Variants in SEMA3A observed in about 807,000 individuals in gnomAD.
The protein encoded by SEMA3A is semaphorin 3A.
SEMA3A carries 29 observed loss-of-function variants against 97.9 expected under a neutral mutation model. That is an observed-to-expected ratio of 0.30 (90% CI 0.22 to 0.40). The LOEUF is 0.40. Among genes scored for constraint, SEMA3A ranks in the 10% least tolerant of loss-of-function variants. The probability of loss-of-function intolerance (pLI) is 1.00; values close to 1 mark genes in which losing one functional copy is unlikely to be tolerated. For missense variants in SEMA3A, 763 were observed against 951.3 expected, an observed-to-expected ratio of 0.80 and a Z score of 2.60; for synonymous variants, 321 against 323.7, an observed-to-expected ratio of 0.99 and a Z score of 0.09.
At chr7:84,379,402 G>A (rs188902394) in intron 1 of SEMA3A, among the ~76,000 whole-genome samples, 234 of 152,158 alleles carry the variant, frequency 1.5e-3, no homozygotes, top group African/African-American at 3.9e-3. Flanking sequence ...TGAAGTATAC[G>A]TTTATAAGGA....
chr7:84,192,350 A>G (rs1349368538), intron 1 of SEMA3A, among the ~76,000 whole-genome samples: 3 of 151,922 alleles, frequency 2.0e-5, no homozygotes, highest in Non-Finnish European at 2.9e-5. Context: ...ACAGAAAAAA[A>G]TTTCCTCAGG....
intron 1 of SEMA3A, among the ~76,000 whole-genome samples, chr7:84,383,777 T>C (rs1803328309): frequency 6.6e-6 from 1 of 152,210 alleles, no homozygotes; most frequent in African/African-American, 2.4e-5. Context: ...ATGAACAAGA[T>C]TAAAAGATCT....
At chr7:83,984,447 A>G (rs1369613023) in intron 13 of SEMA3A, among the ~76,000 whole-genome samples, 3 of 152,086 alleles carry the variant, frequency 2.0e-5, no homozygotes, top group African/African-American at 7.2e-5. Flanking sequence ...TTACTGGCAG[A>G]GTAATTTAGT....
Position 83,960,172 on chromosome 7 carries a change from A to G in SEMA3A, c.*1199T>C, listed in dbSNP as rs960778562. On this transcript the variant is annotated 3_prime_UTR_variant, in exon 17 of 17. Coordinates refer to ENST00000265362, the MANE Select transcript of SEMA3A (RefSeq NM_006080.3). ...TTTAAAAAAATTAAGTGACACAGAT[A>G]TAATTCTTGGTAGAATCATAAGAGA... 4 of 152,120 alleles carry G rather than the reference A, an allele frequency of 2.6e-5. No individual in the cohort carries two copies. Among genetic ancestry groups the G allele is most frequent in the Admixed American group, 1.3e-4 (2 of 15,260 alleles). The allele number at this position is 152,120 out of a possible 1,614,324, so 9.4% of individuals were successfully genotyped here.
chr7:84,081,320 C>T (rs1001728462), intron 4 of SEMA3A, among the ~76,000 whole-genome samples: 11 of 152,058 alleles, frequency 7.2e-5, no homozygotes, highest in Non-Finnish European at 8.8e-5. Flanking sequence ...GGGCCGGGCG[C>T]GGTGGCTCAT....
intron 6 of SEMA3A, among the ~76,000 whole-genome samples, chr7:84,017,290 TAACTC>T (rs1001176499): frequency 6.6e-6 from 1 of 152,146 alleles, no homozygotes; most frequent in Non-Finnish European, 1.5e-5. Context: ...TAGTGGGAAA[TAACTC>T]AATCAAATTA....
intron 15 of SEMA3A, among the ~76,000 whole-genome samples, chr7:83,965,613 A>G (rs112888228): frequency 0.057 from 6,746 of 119,046 alleles, 315 homozygotes; most frequent in Middle Eastern, 0.094. Flanking sequence ...ATACCAATGT[A>G]ACACCAATGG....
Position 84,065,020 on chromosome 7 carries a change from T to G in SEMA3A, c.454-4462A>C, listed in dbSNP as rs531646401. ...CCAAAATTGACCACATACTTGGAAG[T>G]GAAGCTCTCCTCAGCAAATGTAAAA... On this transcript the variant is annotated intron_variant, in intron 4 of 16. Transcript: ENST00000265362. Among the ~76,000 whole-genome samples, 1,225 of 151,412 alleles carry G rather than the reference T, an allele frequency of 8.1e-3. 22 individuals are homozygous for G. Among genetic ancestry groups the G allele is most frequent in the African/African-American group, 0.028 (1,159 of 41,162 alleles).
intron 6 of SEMA3A, among the ~76,000 whole-genome samples, chr7:84,028,619 T>C (rs1353832720): frequency 6.6e-6 from 1 of 152,192 alleles, no homozygotes; most frequent in Non-Finnish European, 1.5e-5. Context: ...TATTTATTTA[T>C]TTTGAGATGG....
At chr7:84,482,311 G>A (rs540366913) in intron 1 of SEMA3A, among the ~76,000 whole-genome samples, 40 of 152,106 alleles carry the variant, frequency 2.6e-4, no homozygotes, top group Middle Eastern at 3.4e-3. Context: ...ATATAAATGC[G>A]TATGTATTTT....
Position 83,981,400 on chromosome 7 carries a change from C to T in SEMA3A, c.1573G>A (p.Ala525Thr). Residue 525 changes from alanine to threonine, a missense_variant, in exon 14 of 17, where the codon GCT (alanine) becomes ACT (threonine). This residue lies in a region of SEMA3A where 678 missense variants were observed against 881.3 expected (regional missense o/e 0.77). Transcript: ENST00000265362. ...HRCDIYGKACAECCLARDPYC... is the reference protein window; with the variant it reads ...HRCDIYGKACTECCLARDPYC... ...GGGTCTCGGGCGAGGCAACACTCAG[C>T]ACACGCTTTCCCGTAAATATCACAC... The T allele has an allele frequency of 6.2e-7, 1 of 1,613,908 alleles. No individual in the cohort carries two copies. The highest frequency in any genetic ancestry group is 1.7e-5 in the Admixed American group (1 of 60,024).
chr7:84,265,501 C>CAT (rs562710391), intron 3 of SEMA3A, among the ~76,000 whole-genome samples: 162 of 144,936 alleles, frequency 1.1e-3, no homozygotes, highest in African/African-American at 3.5e-3. Context: ...TATTATATAT[C>CAT]ATATATATAT....
chr7:84,457,538 G>C (rs1484254303), intron 1 of SEMA3A, among the ~76,000 whole-genome samples: 1 of 151,864 alleles, frequency 6.6e-6, no homozygotes, highest in Non-Finnish European at 1.5e-5. Flanking sequence ...TAATTGAATT[G>C]ATGTTTTGGC....
rs545048348 is a variant in SEMA3A, at chr7:83,982,769, C to T, written c.1495-1291G>A. On this transcript the variant is annotated intron_variant, in intron 13 of 16. Transcript: ENST00000265362. ...ATAAATGAAATTGCATTTCCAAAGG[C>T]TTTCATGTATAAACTGCATGTATAA... 4.6e-5 allele frequency among the ~76,000 whole-genome samples: 7 copies of T among 152,116 alleles called. 1 individual carries two copies. The highest frequency in any genetic ancestry group is 1.2e-4 in the African/African-American group (5 of 41,540).
At chr7:83,991,194 G>C (rs1789910623) in intron 12 of SEMA3A, among the ~76,000 whole-genome samples, 2 of 151,652 alleles carry the variant, frequency 1.3e-5, no homozygotes, top group Admixed American at 1.3e-4. Context: ...TGCTGAAGTT[G>C]CTTATCAGCT....
At chr7:84,447,010 G>T (rs1471254887) in intron 1 of SEMA3A, among the ~76,000 whole-genome samples, 1 of 152,178 alleles carries the variant, frequency 6.6e-6, no homozygotes, top group Non-Finnish European at 1.5e-5. Context: ...CCCTGCTCCT[G>T]CAGGCTTGGA....
intron 1 of SEMA3A, among the ~76,000 whole-genome samples, chr7:84,431,875 T>G (rs1804989938): frequency 6.6e-6 from 1 of 151,954 alleles, no homozygotes; most frequent in Non-Finnish European, 1.5e-5. Context: ...TACTATACAT[T>G]ATAATAAGTG....
At chr7:84,271,032 A>G (rs1800139020) in intron 3 of SEMA3A, among the ~76,000 whole-genome samples, 1 of 152,076 alleles carries the variant, frequency 6.6e-6, no homozygotes, top group Non-Finnish European at 1.5e-5. Flanking sequence ...TCAATTTGCT[A>G]TTATGGGACA....
chr7:84,266,114 T>C (rs899794529), intron 3 of SEMA3A, among the ~76,000 whole-genome samples: 3 of 150,266 alleles, frequency 2.0e-5, no homozygotes. Context: ...AGGTCAGGAG[T>C]TCAAGACCAG....
Sources: gnomAD v4.1 joint callset for allele counts (sites outside exome capture counted in the v4.1 genomes callset) on GRCh38, gnomAD v4.1.1 for gene constraint, gnomAD v4.1.1 regional missense constraint, MANE v1.5 for transcripts, NCBI Gene and HGNC (gene_info 2026-07-23, HGNC 2026-07-21) for gene names.